Variants in ANO5 observed in about 807,000 individuals in gnomAD.
The protein encoded by ANO5 is anoctamin 5, also known as anoctamin-5.
In ANO5, 109 loss-of-function variants were observed where a neutral mutation model predicts 121.0. The observed-to-expected ratio is 0.90, with a 90% CI of 0.77 to 1.06. The LOEUF is 1.06. ANO5 is among the 50% of genes least tolerant of loss of function. The pLI is 0.00. For missense variants in ANO5, 1,064 were observed against 1,078.5 expected (o/e 0.99, Z 0.19); for synonymous variants, 406 against 359.9 (o/e 1.13, Z -1.45).
At chr11:22,241,438 G>GA (rs1853429164) in intron 9 of ANO5, among the ~76,000 whole-genome samples, 1 of 151,882 alleles carries the variant, frequency 6.6e-6, no homozygotes, top group Non-Finnish European at 1.5e-5. Flanking sequence ...TCAAATGGCA[G>GA]CTCTGTTTTA....
rs1403620317 is a variant in ANO5, at chr11:22,216,651, GT to G, written c.139-1592del. ...CTTCCAGTTTGTTGCTTGCCTTTTC[GT>G]TTACATAGTGTTTTTAGAAAAGCAC... On this transcript the variant is annotated intron_variant, in intron 3 of 21. Coordinates refer to ENST00000324559, the MANE Select transcript of ANO5 (RefSeq NM_213599.3). Among the ~76,000 whole-genome samples, 5 of 151,784 alleles carry G rather than the reference GT, an allele frequency of 3.3e-5. No individual in the cohort carries two copies. The South Asian group carries it at 1.0e-3, about 32-fold the overall frequency.
At chr11:22,263,134 C>T in intron 17 of ANO5, 91 bp downstream of exon 17, 2 of 1,072,536 alleles carry the variant, frequency 1.9e-6, no homozygotes, top group Non-Finnish European at 1.4e-6. Context: ...TACCATGGTG[C>T]CTTTGTTAGA....
intron 4 of ANO5, among the ~76,000 whole-genome samples, chr11:22,219,729 T>A (rs1449863997): frequency 6.6e-6 from 1 of 152,004 alleles, no homozygotes; most frequent in Non-Finnish European, 1.5e-5. Context: ...TTTAGTGATT[T>A]ATAATCAAAG....
At chr11:22,240,643 A>G (rs1853398657) in intron 9 of ANO5, among the ~76,000 whole-genome samples, 1 of 152,090 alleles carries the variant, frequency 6.6e-6, no homozygotes, top group Admixed American at 6.6e-5. Context: ...TAATACTTTA[A>G]GTTATAAAAC....
chr11:22,246,279 C>A (rs1385162986), intron 9 of ANO5, among the ~76,000 whole-genome samples: 1 of 152,118 alleles, frequency 6.6e-6, no homozygotes, highest in African/African-American at 2.4e-5. Flanking sequence ...TTAAACTTTT[C>A]TCTAGGGTTA....
chr11:22,241,820 T>C (rs1853442703), intron 9 of ANO5, among the ~76,000 whole-genome samples: 1 of 152,084 alleles, frequency 6.6e-6, no homozygotes, highest in Non-Finnish European at 1.5e-5. Flanking sequence ...TTTGTGAATG[T>C]TTTCCCCTAT....
intron 4 of ANO5, among the ~76,000 whole-genome samples, chr11:22,219,807 A>G (rs112002307): frequency 3.3e-5 from 5 of 150,918 alleles, no homozygotes; most frequent in African/African-American, 1.2e-4. Context: ...GGAGATGATT[A>G]TGCATCCTTT....
rs1331521048 is a variant in ANO5 at position 22,262,310 on chromosome 11, C to T, written c.1800+12C>T. The T allele has an allele frequency of 6.2e-6, 10 of 1,612,624 alleles. No homozygotes were observed. The Admixed American group carries it at 6.7e-5, about 11-fold the overall frequency. On this transcript the variant is annotated intron_variant, in intron 16 of 21. Coordinates refer to ENST00000324559, the MANE Select transcript of ANO5 (RefSeq NM_213599.3). ...GGAGAAGTGAAGAGGTAAGAATTTCCTTGAGAGTTGAGGTGTGTAGCTTCA... is the reference window on the plus strand; with the variant it reads ...GGAGAAGTGAAGAGGTAAGAATTTCTTTGAGAGTTGAGGTGTGTAGCTTCA...
At chr11:22,239,405 A>C (rs1347826689) in intron 8 of ANO5, among the ~76,000 whole-genome samples, 164 bp from the exon 9 acceptor site, 1 of 152,130 alleles carries the variant, frequency 6.6e-6, no homozygotes, top group African/African-American at 2.4e-5. Flanking sequence ...TAATAAATAA[A>C]TATTATTAGT....
chr11:22,235,790 A>G (rs145456100), intron 7 of ANO5, among the ~76,000 whole-genome samples: 63 of 152,322 alleles, frequency 4.1e-4, no homozygotes, highest in Non-Finnish European at 8.1e-4. Flanking sequence ...TTGGATAAAT[A>G]TCAATTCTAC....
At chr11:22,270,226 G>T (rs991450807) in intron 17 of ANO5, 86 bp from the exon 18 acceptor site, 6 of 1,516,318 alleles carry the variant, frequency 4.0e-6, no homozygotes, top group Admixed American at 3.5e-5. Context: ...TCTAATTTCT[G>T]CCAGTTTCCA....
At chr11:22,257,893 T>C (rs1854057003) in intron 14 of ANO5, 139 bp downstream of exon 14, 7 of 715,980 alleles carry the variant, frequency 9.8e-6, no homozygotes, top group Admixed American at 9.1e-5. Context: ...TTATAGCTCT[T>C]ATACAAAATA....
At chr11:22,274,545 CCT>C (rs774920373) in intron 19 of ANO5, 22 bp from the exon 20 acceptor site, 86 of 1,541,946 alleles carry the variant, frequency 5.6e-5, no homozygotes, top group Middle Eastern at 1.7e-4. Flanking sequence ...TGATGATCTT[CCT>C]CTTTTTTTTT....
intron 3 of ANO5, among the ~76,000 whole-genome samples, chr11:22,215,028 G>T (rs1213499576): frequency 6.6e-6 from 1 of 151,950 alleles, no homozygotes; most frequent in African/African-American, 2.4e-5. Context: ...ATGAAATACA[G>T]AAAGATGGAA....
chr11:22,194,834 G>T (rs1234310088), intron 1 of ANO5, among the ~76,000 whole-genome samples: 1 of 152,170 alleles, frequency 6.6e-6, no homozygotes, highest in Non-Finnish European at 1.5e-5. Flanking sequence ...TCCATTCATC[G>T]ATGGTAGGAT....
intron 5 of ANO5, among the ~76,000 whole-genome samples, chr11:22,223,856 T>C (rs1422525563): frequency 1.3e-5 from 2 of 151,926 alleles, no homozygotes; most frequent in Non-Finnish European, 2.9e-5. Context: ...TTTGTTCCAG[T>C]TTTCCTATTA....
In ANO5 at chr11:22,259,795, A is replaced by T. The variant is rs182752532; in HGVS notation, c.1630+54A>T. 315 of 1,516,630 alleles carry T rather than the reference A, an allele frequency of 2.1e-4. 1 individual carries two copies. The African/African-American group carries it at 3.8e-3, about 18-fold the overall frequency. The allele number at this position is 1,516,630 out of a possible 1,614,324, so 93.9% of individuals were successfully genotyped here. ...CTGAAGAATGATTCTTATTGATGCT[A>T]TATGTCTATTTTGGATCAGGTCTCC... On this transcript the variant is annotated intron_variant, in intron 15 of 21. Transcript: ENST00000324559.
chr11:22,217,755 A>C (rs1338158801), intron 3 of ANO5, among the ~76,000 whole-genome samples: 1 of 151,876 alleles, frequency 6.6e-6, no homozygotes, highest in Non-Finnish European at 1.5e-5. Context: ...CATAGAAGGA[A>C]ATAACAAATG....
chr11:22,264,063 G>A (rs562218733), intron 17 of ANO5, among the ~76,000 whole-genome samples: 5 of 124,198 alleles, frequency 4.0e-5, no homozygotes, highest in African/African-American at 1.6e-4. Context: ...ACACTCTGTT[G>A]CCCAGGCTGG....
Sources: gnomAD v4.1 joint callset for allele counts (sites outside exome capture counted in the v4.1 genomes callset) on GRCh38, gnomAD v4.1.1 for gene constraint, MANE v1.5 for transcripts, NCBI Gene and HGNC (gene_info 2026-07-23, HGNC 2026-07-21) for gene names.